The following OCSTAMP variants were observed in gnomAD, a reference collection of about 807,000 sequenced individuals.
OCSTAMP encodes osteoclast stimulatory transmembrane protein, also known as transmembrane protein C20orf123.
A neutral mutation model predicts 25.2 loss-of-function variants in OCSTAMP; 17 were observed. The ratio of observed to expected loss-of-function variants is 0.68; its 90% CI spans 0.46 to 1.01. OCSTAMP has a LOEUF of 1.01. Ranked by LOEUF, OCSTAMP falls within the 50% of genes least tolerant of loss-of-function variation. The pLI, the probability that OCSTAMP is intolerant of heterozygous loss-of-function variation, is 0.00. For synonymous variants in OCSTAMP, 345 were observed against 318.9 expected, an observed-to-expected ratio of 1.08 and a Z score of -0.87; for missense variants, 664 against 694.6, an observed-to-expected ratio of 0.96 and a Z score of 0.50.
At chr20:46,542,254 T>C (rs2061837052) in intron 2 of OCSTAMP, among the ~76,000 whole-genome samples, 1 of 152,170 alleles carries the variant, frequency 6.6e-6, no homozygotes, top group East Asian at 1.9e-4. Context: ...TACACAATTC[T>C]ATGGGTCGAG....
In OCSTAMP at chr20:46,545,321, A is replaced by G. The variant is rs1009233609; in HGVS notation, c.1047+6T>C. On this transcript the variant is annotated splice_donor_region_variant and intron_variant, in intron 2 of 2. Transcript: ENST00000279028. ...CTCCCTTCCCTTTTCCCATCATCAC[A>G]CTTACATCATACTTGACCGTGAGCG... 9 of 1,458,704 alleles carry G rather than the reference A, an allele frequency of 6.2e-6. No homozygotes were observed. The highest frequency in any genetic ancestry group is 8.2e-6 in the Non-Finnish European group (9 of 1,104,028). 90.4% of individuals were successfully genotyped at this position (1,458,704 alleles called of 1,614,324 possible). A position where few individuals can be genotyped will look rare whatever the true frequency, so the allele number is the denominator to read the frequency against.
chr20:46,544,687 G>T (rs1253565077), intron 2 of OCSTAMP, among the ~76,000 whole-genome samples: 1 of 152,158 alleles, frequency 6.6e-6, no homozygotes, highest in African/African-American at 2.4e-5. Context: ...GGCTTTGCAG[G>T]ACATACAGTC....
Position 46,545,652 on chromosome 20 carries a change from G to C in OCSTAMP, c.722C>G (p.Ser241Trp). The C allele has an allele frequency of 6.4e-7, 1 of 1,551,698 alleles. No homozygotes were observed. The highest frequency in any genetic ancestry group is 8.7e-7 in the Non-Finnish European group (1 of 1,146,994). Residue 241 changes from serine (S) to tryptophan (W), a missense_variant, in exon 2 of 3, where the codon TCG (serine) becomes TGG (tryptophan). Coordinates refer to ENST00000279028, the MANE Select transcript of OCSTAMP (RefSeq NM_080721.3). ...GLFMLGLLVE[S>W]AWYLHCYLTD... ...CAGGTAGCAATGGAGGTACCATGCCGACTCCACCAGGAGGCCCAACATAAA... is the reference window on the plus strand; with the variant it reads ...CAGGTAGCAATGGAGGTACCATGCCCACTCCACCAGGAGGCCCAACATAAA...
chr20:46,547,955 G>C (rs2146055522), intron 1 of OCSTAMP, among the ~76,000 whole-genome samples: 1 of 152,338 alleles, frequency 6.6e-6, no homozygotes. Context: ...GTGAGACTGA[G>C]AACATGCAAG....
chr20:46,550,487 G>T, intron 1 of OCSTAMP, 30 bp downstream of exon 1: 2 of 1,546,520 alleles, frequency 1.3e-6, no homozygotes, highest in Non-Finnish European at 1.8e-6. Context: ...CTCACCTGTA[G>T]CCCTCAGTGT....
Position 46,541,582 on chromosome 20 carries a change from C to T in OCSTAMP, c.1393G>A (p.Asp465Asn), listed in dbSNP as rs1312432408. 1 of 1,551,656 alleles carries T rather than the reference C, an allele frequency of 6.4e-7. No individual in the cohort carries two copies. Residue 465 changes from aspartate (D) to asparagine (N), a missense_variant, in exon 3 of 3, where the codon GAT becomes AAT. Transcript: ENST00000279028. ...CTGGGTGTGGGGACGCAAGAAGGAT[C>T]CCCTAGGGGCAGCTGCTGGCCTTGG... ...RHQGQQLPLG[D>N]PSCVPTPRPA...
In OCSTAMP at chr20:46,545,854, G is replaced by A; in HGVS notation, c.520C>T (p.Leu174=). Residue 174 remains leucine, a synonymous_variant, in exon 2 of 3, where the codon CTG becomes TTG. Transcript: ENST00000279028. Reference sequence around the variant, plus strand: ...CTGCCTGCCTGGCCTGTGGGGCCCAGAGCCCTGGATGCTGCATGCAGCTGG... The same window carrying A: ...CTGCCTGCCTGGCCTGTGGGGCCCAAAGCCCTGGATGCTGCATGCAGCTGG... ...THQLHAASRA[L]GPTGQAGSRG... 6.4e-7 allele frequency: 1 copy of A among 1,551,364 alleles called. No individual in the cohort carries two copies. The highest frequency in any genetic ancestry group is 8.7e-7 in the Non-Finnish European group (1 of 1,146,988).
chr20:46,546,034 C>T lies in OCSTAMP; in HGVS notation c.340G>A (p.Gly114Ser). 1.9e-6 allele frequency: 3 copies of T among 1,551,540 alleles called. No homozygotes were observed. Among genetic ancestry groups the T allele is most frequent in the South Asian group, 2.4e-5 (2 of 84,050 alleles). ...CLFALSVPTL[G>S]MEQGRRLLLS... Reference sequence around the variant, plus strand: ...AGCAGCCGGCGGCCCTGCTCCATACCCAGGGTGGGCACGCTGAGTGCAAAC... The same window carrying T: ...AGCAGCCGGCGGCCCTGCTCCATACTCAGGGTGGGCACGCTGAGTGCAAAC... The change falls in exon 2 of 3, where the codon GGT (glycine) becomes AGT (serine). Residue 114 changes from glycine to serine, a missense_variant. Gly to Ser is a moderately conservative substitution (Grantham distance 56). Transcript: ENST00000279028.
In OCSTAMP at chr20:46,546,065, G is replaced by A. The variant is rs1245651342; in HGVS notation, c.309C>T (p.Arg103=). 1.3e-6 allele frequency: 2 copies of A among 1,551,636 alleles called. No individual in the cohort carries two copies. The highest frequency in any genetic ancestry group is 1.2e-5 in the South Asian group (1 of 84,058). The stretch of plus-strand genomic sequence containing the variant: ...TGGGCACGCTGAGTGCAAACAGGCA[G>A]CGGACTGGGGGTACCAGGCCCAGGC... ...FLSLGLVPPV[R]CLFALSVPTL... Residue 103 remains arginine, a synonymous_variant, in exon 2 of 3, where the codon CGC becomes CGT. Transcript: ENST00000279028.
intron 1 of OCSTAMP, among the ~76,000 whole-genome samples, chr20:46,549,124 G>A (rs534962241): frequency 6.6e-6 from 1 of 152,270 alleles, no homozygotes; most frequent in East Asian, 1.9e-4. Flanking sequence ...TTTTTCTACA[G>A]GCAGTGTAAG....
chr20:46,548,568 C>T (rs376309828), intron 1 of OCSTAMP, among the ~76,000 whole-genome samples: 12 of 152,244 alleles, frequency 7.9e-5, no homozygotes, highest in East Asian at 3.9e-4. Context: ...GGAGAACAAA[C>T]GAACTGGGGC....
At position 46,545,881 on chromosome 20, in the gene OCSTAMP, G is replaced by T; in HGVS notation, c.493C>A (p.His165Asn). Residue 165 changes from histidine (H) to asparagine (N), a missense_variant, in exon 2 of 3, where the codon CAC becomes AAC. Physicochemically the swap from His to Asn is moderately conservative, Grantham distance 68 (BLOSUM62 1). Coordinates refer to ENST00000279028, the MANE Select transcript of OCSTAMP (RefSeq NM_080721.3). Reference sequence around the variant, plus strand: ...GCCCTGGATGCTGCATGCAGCTGGTGAGTGGTATTGAGGAGACTCTCCAGG... The same window carrying T: ...GCCCTGGATGCTGCATGCAGCTGGTTAGTGGTATTGAGGAGACTCTCCAGG... ...GSLESLLNTT[H>N]QLHAASRALG... 1 of 1,551,360 alleles carries T rather than the reference G, an allele frequency of 6.4e-7. No individual in the cohort carries two copies.
intron 1 of OCSTAMP, among the ~76,000 whole-genome samples, chr20:46,548,384 G>C (rs1301771650): frequency 6.6e-6 from 1 of 152,234 alleles, no homozygotes; most frequent in Non-Finnish European, 1.5e-5. Flanking sequence ...GCCTACAATA[G>C]TGTCTGCCAT....
In OCSTAMP at chr20:46,545,719, G is replaced by T. The variant is rs548466766; in HGVS notation, c.655C>A (p.Arg219=). ...CGCTGGGTCCCTAGCGCTGCTGCCC[G>T]GGCCAGGGACTCCAGGCCAGAGAAA... ...EDFSGLESLA[R]AAALGTQRVV... Residue 219 remains arginine (R), a synonymous_variant, in exon 2 of 3, where the codon CGG becomes AGG. Coordinates refer to ENST00000279028, the MANE Select transcript of OCSTAMP (RefSeq NM_080721.3). 6.4e-7 allele frequency: 1 copy of T among 1,551,450 alleles called. No homozygotes were observed. The highest frequency in any genetic ancestry group is 1.4e-5 in the African/African-American group (1 of 73,036).
chr20:46,548,955 G>A (rs1303622192), intron 1 of OCSTAMP, among the ~76,000 whole-genome samples: 1 of 152,148 alleles, frequency 6.6e-6, no homozygotes, highest in Non-Finnish European at 1.5e-5. Context: ...TCAAGCCTTG[G>A]GGACCACCAT....
chr20:46,550,173 G>A (rs1252939693), intron 1 of OCSTAMP, among the ~76,000 whole-genome samples: 1 of 152,138 alleles, frequency 6.6e-6, no homozygotes, highest in Non-Finnish European at 1.5e-5. Context: ...ACAATTTTAA[G>A]GATTGAAAGC....
In OCSTAMP at chr20:46,541,109, A is replaced by G; in HGVS notation, c.*165T>C. ...ATGAGTTTAGAGGATTTTGAGGCAT[A>G]TAAATAAGTTCCAGGAGCATTTCGA... On this transcript the variant is annotated 3_prime_UTR_variant, in exon 3 of 3. Transcript: ENST00000279028. The G allele has an allele frequency of 1.7e-6, 1 of 595,332 alleles. No individual in the cohort carries two copies. Among genetic ancestry groups the G allele is most frequent in the Admixed American group, 2.9e-5 (1 of 33,934 alleles). The allele number at this position is 595,332 out of a possible 1,614,324, so 36.9% of individuals were successfully genotyped here. A position where few individuals can be genotyped will look rare whatever the true frequency, so the allele number is the denominator to read the frequency against.
At chr20:46,546,376 G>T in intron 1 of OCSTAMP, 47 bp from the exon 2 acceptor site, 10 of 1,443,600 alleles carry the variant, frequency 6.9e-6, no homozygotes, top group Non-Finnish European at 8.4e-6. Context: ...AGGTGGGTGG[G>T]TGGGTGTCTG....
chr20:46,547,257 G>T (rs964062781), intron 1 of OCSTAMP, among the ~76,000 whole-genome samples: 2 of 152,180 alleles, frequency 1.3e-5, no homozygotes, highest in East Asian at 1.9e-4. Context: ...GAGCCATTCC[G>T]TGGAGCTTTT....
Sources: gnomAD v4.1 joint callset for allele counts (sites outside exome capture counted in the v4.1 genomes callset) on GRCh38, gnomAD v4.1.1 for gene constraint, MANE v1.5 for transcripts, NCBI Gene and HGNC (gene_info 2026-07-23, HGNC 2026-07-21) for gene names.